The following ZNF274 variants were observed in gnomAD, a reference collection of about 807,000 sequenced individuals.
The protein encoded by ZNF274 is zinc finger protein 274.
A neutral mutation model predicts 42.5 loss-of-function variants in ZNF274; 23 were observed. That is an observed-to-expected ratio of 0.54 (90% confidence interval 0.39 to 0.77). ZNF274 has a LOEUF of 0.77. ZNF274 is among the 30% of genes least tolerant of loss of function. ZNF274 has a pLI of 0.00. For synonymous variants in ZNF274, 292 were observed against 305.4 expected, an observed-to-expected ratio of 0.96 and a Z score of 0.46; for missense variants, 679 against 806.5, an observed-to-expected ratio of 0.84 and a Z score of 1.91.
intron 4 of ZNF274, among the ~76,000 whole-genome samples, chr19:58,203,189 C>G (rs995037368): frequency 1.3e-5 from 2 of 152,164 alleles, no homozygotes; most frequent in African/African-American, 4.8e-5. Context: ...AGTACAGATT[C>G]AGTTGGTGCA....
At chr19:58,185,147 C>T (rs924301508) in intron 2 of ZNF274, among the ~76,000 whole-genome samples, 55 of 148,590 alleles carry the variant, frequency 3.7e-4, no homozygotes, top group African/African-American at 1.3e-3. Flanking sequence ...AAAATAGGGC[C>T]GGGTGCGGTG....
chr19:58,212,424 A>C lies in ZNF274; in HGVS notation c.1243A>C (p.Asn415His), dbSNP rs1482952561. 1.9e-6 allele frequency: 3 copies of C among 1,612,720 alleles called. No homozygotes were observed. The highest frequency in any genetic ancestry group is 2.5e-6 in the Non-Finnish European group (3 of 1,179,312). The change falls in exon 8 of 8, where the codon AAC (asparagine) becomes CAC (histidine). Residue 415 changes from asparagine to histidine, a missense_variant. Asn to His is a moderately conservative substitution (Grantham distance 68). Coordinates refer to ENST00000617501, the MANE Select transcript of ZNF274 (RefSeq NM_133502.3). This position sits in a 1 kb window ranked among gnomAD's most constrained non-coding sequence, Gnocchi z 4.6. ...SQANSGALDTNQVSLQKIDNP... is the reference protein window; with the variant it reads ...SQANSGALDTHQVSLQKIDNP... ...GGCAAACAGTGGTGCTCTTGACACA[A>C]ACCAAGTTTCGCTCCAGAAAATTGA...
intron 4 of ZNF274, among the ~76,000 whole-genome samples, chr19:58,193,738 AAC>A (rs781546735): frequency 5.3e-5 from 8 of 151,944 alleles, no homozygotes; most frequent in Admixed American, 1.3e-4. Flanking sequence ...CCACCTGACA[AAC>A]ACAGCAAAAC....
rs11671199 is a variant in ZNF274 at position 58,211,307 on chromosome 19, G to A, written c.853-253G>A. 63,445 of 381,892 alleles carry A rather than the reference G, an allele frequency of 0.17. 6,007 individuals are homozygous for A. Among genetic ancestry groups the A allele is most frequent in the African/African-American group, 0.19 (9,318 of 48,424 alleles). The allele number at this position is 381,892 out of a possible 1,614,324, so 23.7% of individuals were successfully genotyped here. A position where few individuals can be genotyped will look rare whatever the true frequency, so the allele number is the denominator to read the frequency against. ...GCTGGATAGAGCCGTGGTTAGGATGGAGTTGTTTGCTTGTTGCACTTGGAG... is the reference window on the plus strand; with the variant it reads ...GCTGGATAGAGCCGTGGTTAGGATGAAGTTGTTTGCTTGTTGCACTTGGAG... On this transcript the variant is annotated intron_variant, in intron 6 of 7. Coordinates refer to ENST00000617501, the MANE Select transcript of ZNF274 (RefSeq NM_133502.3). This position sits in a 1 kb window ranked among gnomAD's most constrained non-coding sequence, Gnocchi z 4.8.
chr19:58,185,674 C>T (rs746968467), intron 2 of ZNF274, 38 bp from the exon 3 acceptor site: 7 of 1,395,372 alleles, frequency 5.0e-6, no homozygotes, highest in Non-Finnish European at 6.6e-6. Context: ...GTCGTGGATG[C>T]GGATGGCCTG....
rs1290323123 is a variant in ZNF274 at position 58,207,182 on chromosome 19, C to G, written c.719C>G (p.Thr240Ser). The G allele has an allele frequency of 6.2e-7, 1 of 1,611,858 alleles. No homozygotes were observed. The highest frequency in any genetic ancestry group is 1.7e-5 in the Admixed American group (1 of 59,756). ...QEVVALVEGV[T>S]WMSEEEVLPA... ...GTGGTGGCCCTGGTAGAGGGTGTGA[C>G]CTGGATGTCTGAGGAGGAAGGTAAG... Residue 240 changes from threonine (T) to serine (S), a missense_variant, in exon 5 of 8, where the codon ACC becomes AGC. Coordinates refer to ENST00000617501, the MANE Select transcript of ZNF274 (RefSeq NM_133502.3). This position sits in a 1 kb window ranked among gnomAD's most constrained non-coding sequence, Gnocchi z 5.6.
At chr19:58,189,178 T>A (rs1289319675) in intron 4 of ZNF274, among the ~76,000 whole-genome samples, 1 of 152,178 alleles carries the variant, frequency 6.6e-6, no homozygotes, top group African/African-American at 2.4e-5. Flanking sequence ...TATTGAAATA[T>A]CATATCCCAG....
At chr19:58,188,710 A>ATATATATATG (rs2075741640) in intron 4 of ZNF274, among the ~76,000 whole-genome samples, 3 of 124,506 alleles carry the variant, frequency 2.4e-5, no homozygotes, top group Non-Finnish European at 5.1e-5. Context: ...ATATATATAT[A>ATATATATATG]TATATATATA....
intron 4 of ZNF274, among the ~76,000 whole-genome samples, chr19:58,194,820 C>T (rs949788631): frequency 1.3e-4 from 19 of 151,998 alleles, no homozygotes; most frequent in Admixed American, 8.5e-4. Flanking sequence ...CTGGCTAACA[C>T]GGAAACCCCA....
chr19:58,188,282 T>C (rs1439410801), intron 4 of ZNF274, among the ~76,000 whole-genome samples: 3 of 151,752 alleles, frequency 2.0e-5, no homozygotes, highest in Non-Finnish European at 2.9e-5. Flanking sequence ...CCCAGCACTT[T>C]GGGAGGCTGA....
chr19:58,191,913 T>C (rs955632207), intron 4 of ZNF274, among the ~76,000 whole-genome samples: 1 of 152,234 alleles, frequency 6.6e-6, no homozygotes, highest in African/African-American at 2.4e-5. Context: ...TCTACCATCT[T>C]AGACTTCATA....
intron 4 of ZNF274, 65 bp downstream of exon 4, chr19:58,187,107 C>G (rs545572504): frequency 7.2e-7 from 1 of 1,381,650 alleles, no homozygotes; most frequent in South Asian, 1.2e-5. Flanking sequence ...GGACCAGTAT[C>G]TTGGAAAAGC....
intron 4 of ZNF274, among the ~76,000 whole-genome samples, chr19:58,196,271 T>G (rs1302138622): frequency 6.6e-6 from 1 of 152,208 alleles, no homozygotes; most frequent in African/African-American, 2.4e-5. Context: ...GTCAAGAAGT[T>G]AAGTAGAGGC....
chr19:58,193,814 T>A (rs530174549), intron 4 of ZNF274, among the ~76,000 whole-genome samples: 4 of 152,212 alleles, frequency 2.6e-5, no homozygotes, highest in Admixed American at 2.6e-4. Context: ...TAGTCCCAGC[T>A]ACTTGGGAGG....
rs551861901 is a variant in ZNF274 at position 58,207,518 on chromosome 19, C to T, written c.739+316C>T. Among the ~76,000 whole-genome samples the T allele has an allele frequency of 1.5e-4, 23 of 152,176 alleles. No individual in the cohort carries two copies. The highest frequency in any genetic ancestry group is 4.8e-4 in the African/African-American group (20 of 41,510). On this transcript the variant is annotated intron_variant, in intron 5 of 7. Transcript: ENST00000617501. This position sits in a 1 kb window ranked among gnomAD's most constrained non-coding sequence, Gnocchi z 5.6. Reference sequence around the variant, plus strand: ...ATGGGAATACTGAGCTCAGAGAGCCCGCAGTAGCAGGAGAGACAGGGATTT... The same window carrying T: ...ATGGGAATACTGAGCTCAGAGAGCCTGCAGTAGCAGGAGAGACAGGGATTT...
intron 3 of ZNF274, 108 bp from the exon 4 acceptor site, chr19:58,186,839 T>C: frequency 1.1e-6 from 1 of 884,194 alleles, no homozygotes; most frequent in Non-Finnish European, 1.8e-6. Context: ...AGGCCAGAAG[T>C]CATGTGCCTT....
At chr19:58,201,714 A>C (rs2075914067) in intron 4 of ZNF274, among the ~76,000 whole-genome samples, 1 of 151,512 alleles carries the variant, frequency 6.6e-6, no homozygotes, top group African/African-American at 2.4e-5. Context: ...ACGGGGTTTC[A>C]CCATATTGGC....
At position 58,191,130 on chromosome 19, in the gene ZNF274, C is replaced by T. The variant is rs1028304416; in HGVS notation, c.256+4088C>T. 7.9e-5 allele frequency among the ~76,000 whole-genome samples: 12 copies of T among 152,280 alleles called. No individual in the cohort carries two copies. In the East Asian group the frequency reaches 2.1e-3, roughly 27 times the overall value. On this transcript the variant is annotated intron_variant, in intron 4 of 7. Transcript: ENST00000617501. ...AATGCAAGTACTTTGTATCTGCCTGCAGTGGTTTCTGTGCCCCTTGGTTTT... is the reference window on the plus strand; with the variant it reads ...AATGCAAGTACTTTGTATCTGCCTGTAGTGGTTTCTGTGCCCCTTGGTTTT...
intron 1 of ZNF274, 46 bp from the exon 2 acceptor site, chr19:58,183,875 G>A (rs2075662022): frequency 1.5e-6 from 2 of 1,352,966 alleles, no homozygotes; most frequent in Non-Finnish European, 2.0e-6. Flanking sequence ...GCTCCCCAGC[G>A]GACACCTTAA....
Sources: gnomAD v4.1 joint callset for allele counts (sites outside exome capture counted in the v4.1 genomes callset) on GRCh38, gnomAD v4.1.1 for gene constraint, Gnocchi (gnomAD v3.1) non-coding constraint, MANE v1.5 for transcripts, NCBI Gene and HGNC (gene_info 2026-07-23, HGNC 2026-07-21) for gene names.